CELF4: variants seen among roughly 807,000 people sequenced by gnomAD.
The protein encoded by CELF4 is CUG-BP- and ETR-3-like factor 4.
A neutral mutation model predicts 59.9 loss-of-function variants in CELF4; 18 were observed. The observed-to-expected ratio is 0.30, with a 90% confidence interval of 0.21 to 0.45. The LOEUF (loss-of-function observed/expected upper bound fraction) is 0.45. Ranked by LOEUF, CELF4 falls within the 20% of genes least tolerant of loss-of-function variation. The probability of loss-of-function intolerance (pLI) is 1.00; values close to 1 mark genes in which losing one functional copy is unlikely to be tolerated. For synonymous variants in CELF4, 261 were observed against 267.1 expected (o/e 0.98, Z 0.22); for missense variants, 456 against 689.0 (o/e 0.66, Z 3.79).
intron 2 of CELF4, among the ~76,000 whole-genome samples, chr18:37,358,187 CAT>C (rs1278185848): frequency 3.3e-5 from 5 of 152,114 alleles, no homozygotes; most frequent in Non-Finnish European, 5.9e-5. Context: ...TGAATTCCCA[CAT>C]GTTGTGGGAG....
chr18:37,261,401 C>A (rs575930155), intron 10 of CELF4, among the ~76,000 whole-genome samples: 2 of 152,202 alleles, frequency 1.3e-5, no homozygotes, highest in Non-Finnish European at 2.9e-5. Flanking sequence ...AGATAAGGAG[C>A]CTTCACAGAC....
chr18:37,481,302 C>A (rs1003664903), intron 2 of CELF4, among the ~76,000 whole-genome samples: 1 of 152,180 alleles, frequency 6.6e-6, no homozygotes, highest in African/African-American at 2.4e-5. Context: ...ATTCCCACTG[C>A]TTCCTTGCCT....
chr18:37,536,095 T>C (rs1178853683), intron 1 of CELF4, among the ~76,000 whole-genome samples: 1 of 152,096 alleles, frequency 6.6e-6, no homozygotes. Context: ...ACTTGCATTG[T>C]GGTTGAAATT....
At chr18:37,339,463 C>T (rs1407985144) in intron 2 of CELF4, among the ~76,000 whole-genome samples, 1 of 152,180 alleles carries the variant, frequency 6.6e-6, no homozygotes, top group Non-Finnish European at 1.5e-5. Flanking sequence ...TGTGCAAAGC[C>T]TGAAAGGTGG....
intron 1 of CELF4, among the ~76,000 whole-genome samples, chr18:37,503,115 G>T (rs553115946): frequency 1.3e-5 from 2 of 152,130 alleles, no homozygotes; most frequent in Non-Finnish European, 2.9e-5. Flanking sequence ...CACTATCTAG[G>T]GGGAGGCAGG....
chr18:37,381,146 CCATCCAT>C (rs2099035825), intron 2 of CELF4, among the ~76,000 whole-genome samples: 1 of 152,156 alleles, frequency 6.6e-6, no homozygotes, highest in African/African-American at 2.4e-5. Context: ...ATCCATCCAT[CCATCCAT>C]CCACCTACCA....
chr18:37,445,894 CCTT>C (rs1215060638), intron 2 of CELF4, among the ~76,000 whole-genome samples: 1 of 152,194 alleles, frequency 6.6e-6, no homozygotes, highest in African/African-American at 2.4e-5. Flanking sequence ...TCCTCCTCCT[CCTT>C]ATCATCTACC....
chr18:37,443,200 G>A (rs1048079259), intron 2 of CELF4, among the ~76,000 whole-genome samples: 4 of 152,146 alleles, frequency 2.6e-5, no homozygotes, highest in African/African-American at 9.7e-5. Flanking sequence ...GCCCTAGCCT[G>A]TCTCTGTCCC....
At chr18:37,452,991 C>T (rs1254121317) in intron 2 of CELF4, among the ~76,000 whole-genome samples, 1 of 151,706 alleles carries the variant, frequency 6.6e-6, no homozygotes, top group Non-Finnish European at 1.5e-5. Flanking sequence ...TGTTGCCTGG[C>T]TTTGCCAGCC....
chr18:37,561,882 A>G (rs1197340506), intron 1 of CELF4, among the ~76,000 whole-genome samples: 3 of 152,214 alleles, frequency 2.0e-5, no homozygotes, highest in African/African-American at 7.2e-5. Context: ...GAGCCTGGAA[A>G]AACAATCTTT....
intron 2 of CELF4, among the ~76,000 whole-genome samples, chr18:37,437,715 A>G (rs1384549813): frequency 2.6e-5 from 4 of 152,148 alleles, no homozygotes; most frequent in Non-Finnish European, 5.9e-5. Flanking sequence ...TTCCCAGTAG[A>G]GTTGTCTTCT....
chr18:37,319,243 A>T (rs1489165113), intron 3 of CELF4, among the ~76,000 whole-genome samples: 2 of 152,210 alleles, frequency 1.3e-5, no homozygotes, highest in Non-Finnish European at 2.9e-5. Context: ...CTGAGTGAGG[A>T]TGGCACTCCT....
At chr18:37,271,937 G>A (rs139380094) in intron 7 of CELF4, among the ~76,000 whole-genome samples, 37 of 152,324 alleles carry the variant, frequency 2.4e-4, no homozygotes, top group African/African-American at 8.4e-4. Context: ...TTCCTCTCAT[G>A]TAGGAAGCAG....
rs550143591 is a variant in CELF4, at chr18:37,462,893, G to A, written c.369+22632C>T. Among the ~76,000 whole-genome samples the A allele has an allele frequency of 2.6e-5, 4 of 152,002 alleles. No individual in the cohort carries two copies. In the South Asian group the frequency reaches 8.3e-4, roughly 32 times the overall value. Reference sequence around the variant, plus strand: ...AGACAATTATTCTTCTTCCAATGTGGCCCAGGGAAGCCAAAAGATTGGGCA... The same window carrying A: ...AGACAATTATTCTTCTTCCAATGTGACCCAGGGAAGCCAAAAGATTGGGCA... On this transcript the variant is annotated intron_variant, in intron 2 of 12. Coordinates refer to ENST00000420428, the MANE Select transcript of CELF4 (RefSeq NM_020180.4).
At chr18:37,564,043 C>G (rs1169607599) in intron 1 of CELF4, among the ~76,000 whole-genome samples, 1 of 152,190 alleles carries the variant, frequency 6.6e-6, no homozygotes, top group Non-Finnish European at 1.5e-5. Context: ...AAGGATGAGG[C>G]TGCTCTCTAT....
Position 37,274,286 on chromosome 18 carries a change from G to A in CELF4, c.801+25C>T, listed in dbSNP as rs374841163. On this transcript the variant is annotated intron_variant, in intron 6 of 12. Transcript: ENST00000420428. ...TCCCAGGGGAGTGAGCTTGAGAACC[G>A]CTGCCCGTGCGCGCTGCCACTTACT... 22 of 1,608,586 alleles carry A rather than the reference G, an allele frequency of 1.4e-5. No homozygotes were observed. In the African/African-American group the frequency reaches 2.3e-4, roughly 17 times the overall value.
intron 2 of CELF4, among the ~76,000 whole-genome samples, chr18:37,469,524 C>T (rs1183264527): frequency 6.6e-6 from 1 of 152,238 alleles, no homozygotes; most frequent in Admixed American, 6.5e-5. Flanking sequence ...TCAAAGCCCA[C>T]ACCTGCAGCC....
At chr18:37,404,890 GC>G (rs1221798273) in intron 2 of CELF4, among the ~76,000 whole-genome samples, 3 of 152,204 alleles carry the variant, frequency 2.0e-5, no homozygotes, top group African/African-American at 7.2e-5. Context: ...CTTGTCGCAT[GC>G]TTTTCCTTGC....
At chr18:37,533,030 G>T (rs2099970775) in intron 1 of CELF4, among the ~76,000 whole-genome samples, 2 of 152,214 alleles carry the variant, frequency 1.3e-5, no homozygotes, top group South Asian at 4.1e-4. Context: ...CTGGGTTGTT[G>T]CCATTACTGT....
Sources: gnomAD v4.1 joint callset for allele counts (sites outside exome capture counted in the v4.1 genomes callset) on GRCh38, gnomAD v4.1.1 for gene constraint, MANE v1.5 for transcripts, NCBI Gene and HGNC (gene_info 2026-07-23, HGNC 2026-07-21) for gene names.